SLC13A3: variants seen among roughly 807,000 people sequenced by gnomAD.
SLC13A3 encodes Na(+)/dicarboxylate cotransporter 3.
In SLC13A3, 40 loss-of-function variants were observed where a neutral mutation model predicts 59.0. That is an observed-to-expected ratio of 0.68 (90% CI 0.53 to 0.88). SLC13A3 has a LOEUF of 0.88. Ranked by LOEUF, SLC13A3 falls within the 40% of genes least tolerant of loss-of-function variation. The pLI, the probability that SLC13A3 is intolerant of heterozygous loss-of-function variation, is 0.00. For synonymous variants in SLC13A3, 317 were observed against 330.3 expected, an observed-to-expected ratio of 0.96 and a Z score of 0.44; for missense variants, 699 against 783.2, an observed-to-expected ratio of 0.89 and a Z score of 1.28.
At chr20:46,571,473 G>A (rs1476682786) in intron 10 of SLC13A3, among the ~76,000 whole-genome samples, 1 of 152,164 alleles carries the variant, frequency 6.6e-6, no homozygotes, top group East Asian at 1.9e-4. Context: ...AGCACCCAGG[G>A]TATATCACCA....
intron 1 of SLC13A3, among the ~76,000 whole-genome samples, chr20:46,657,630 T>C (rs1031829115): frequency 6.6e-6 from 1 of 152,138 alleles, no homozygotes; most frequent in Non-Finnish European, 1.5e-5. Flanking sequence ...AGGCCGTTTC[T>C]GCATTGCTAT....
At chr20:46,638,581 C>A (rs550457532) in intron 1 of SLC13A3, among the ~76,000 whole-genome samples, 15 of 152,338 alleles carry the variant, frequency 9.8e-5, no homozygotes, top group South Asian at 4.1e-4. Flanking sequence ...GTGCCTTTCT[C>A]GTGCCTGGAA....
chr20:46,589,083 C>T lies in SLC13A3; in HGVS notation c.1016+77G>A, dbSNP rs2062225350. On this transcript the variant is annotated intron_variant, in intron 7 of 12. Transcript: ENST00000279027. ...CCCCTGGAGCTCAGCCCCCATGGGC[C>T]CAAGGCCAGGCCAGGAGGAAGCTCT... 3.0e-6 allele frequency: 4 copies of T among 1,341,044 alleles called. No homozygotes were observed. The Admixed American group carries it at 5.7e-5, about 19-fold the overall frequency. The allele number at this position is 1,341,044 out of a possible 1,614,324, so 83.1% of individuals were successfully genotyped here. A position where few individuals can be genotyped will look rare whatever the true frequency, so the allele number is the denominator to read the frequency against.
chr20:46,638,383 G>A (rs2062814584), intron 1 of SLC13A3, among the ~76,000 whole-genome samples: 1 of 152,234 alleles, frequency 6.6e-6, no homozygotes, highest in Non-Finnish European at 1.5e-5. Context: ...CTTGTCAAGA[G>A]AGAAAGGTGC....
chr20:46,657,244 A>G (rs2063000387), intron 1 of SLC13A3, among the ~76,000 whole-genome samples: 1 of 152,110 alleles, frequency 6.6e-6, no homozygotes, highest in Non-Finnish European at 1.5e-5. Flanking sequence ...GTGTGATGGC[A>G]TGCTTGTAAT....
rs564447589 is a variant in SLC13A3 at position 46,566,266 on chromosome 20, G to A, written c.1457C>T (p.Ala486Val). 25 of 1,613,502 alleles carry A rather than the reference G, an allele frequency of 1.5e-5. No homozygotes were observed. The highest frequency in any genetic ancestry group is 2.2e-5 in the South Asian group (2 of 91,068). The change falls in exon 11 of 13, where the codon GCG becomes GTG. Residue 486 changes from alanine to valine, a missense_variant. By Grantham distance (64) the Ala-to-Val change is moderately conservative (BLOSUM62 0). Coordinates refer to ENST00000279027, the MANE Select transcript of SLC13A3 (RefSeq NM_022829.6). ...AFFTEFASNT[A>V]TIIIFLPVLA... ...GACCGGCAGGAAGATGATGATGGTC[G>A]CCGTGTTGCTGGCAAACTCAGTGAA...
intron 10 of SLC13A3, among the ~76,000 whole-genome samples, chr20:46,567,472 A>G (rs1319101166): frequency 1.3e-5 from 2 of 152,028 alleles, no homozygotes; most frequent in Non-Finnish European, 2.9e-5. Flanking sequence ...AGTGCCTGAG[A>G]CACCCATCTA....
intron 12 of SLC13A3, among the ~76,000 whole-genome samples, chr20:46,562,275 C>T (rs984315000): frequency 1.3e-5 from 2 of 152,166 alleles, no homozygotes; most frequent in African/African-American, 4.8e-5. Flanking sequence ...GTTCCCTGAC[C>T]TCGTGTCTCC....
intron 1 of SLC13A3, among the ~76,000 whole-genome samples, chr20:46,638,399 G>A (rs1473472289): frequency 6.6e-6 from 1 of 152,230 alleles, no homozygotes; most frequent in Non-Finnish European, 1.5e-5. Flanking sequence ...GGTGCAGGAG[G>A]CATGGTAAAA....
chr20:46,619,705 G>A (rs962072820), intron 1 of SLC13A3, among the ~76,000 whole-genome samples: 3 of 152,148 alleles, frequency 2.0e-5, no homozygotes, highest in African/African-American at 7.2e-5. Flanking sequence ...CTTTGCACAT[G>A]CTTTTCCTTT....
At chr20:46,637,160 T>C (rs1429581677) in intron 1 of SLC13A3, among the ~76,000 whole-genome samples, 2 of 152,152 alleles carry the variant, frequency 1.3e-5, no homozygotes. Flanking sequence ...CAGCTGGTCC[T>C]GCCCCAGGCA....
At chr20:46,684,014 CA>C (rs1388103727) in intron 1 of SLC13A3, among the ~76,000 whole-genome samples, 1 of 152,164 alleles carries the variant, frequency 6.6e-6, no homozygotes, top group African/African-American at 2.4e-5. Context: ...CCATTAAGAA[CA>C]AAACCCAACC....
intron 1 of SLC13A3, among the ~76,000 whole-genome samples, chr20:46,645,750 T>C (rs2062888578): frequency 6.6e-6 from 1 of 152,214 alleles, no homozygotes; most frequent in African/African-American, 2.4e-5. Flanking sequence ...AGGCAGTATG[T>C]ACCCAGTATT....
At chr20:46,603,626 G>A (rs1022633829) in intron 3 of SLC13A3, among the ~76,000 whole-genome samples, 4 of 151,268 alleles carry the variant, frequency 2.6e-5, no homozygotes, top group Non-Finnish European at 5.9e-5. Flanking sequence ...GGGCTCAAGC[G>A]ATCCTCTCAC....
At position 46,592,520 on chromosome 20, in the gene SLC13A3, C is replaced by T. The variant is rs139819116; in HGVS notation, c.804G>A (p.Pro268=). Reference sequence around the variant, plus strand: ...AGCCGAAATTCACCACGTCACACTGCGGAAAGAAACTGGAGAACAGCGGGA... The same window carrying T: ...AGCCGAAATTCACCACGTCACACTGTGGAAAGAAACTGGAGAACAGCGGGA... ...ILLGQLKSFF[P]QCDVVNFGSW... Residue 268 remains proline, a synonymous_variant, in exon 6 of 13, where the codon CCG becomes CCA. Transcript: ENST00000279027. The T allele has an allele frequency of 3.7e-5, 59 of 1,613,230 alleles. No individual in the cohort carries two copies. The African/African-American group carries it at 3.9e-4, about 11-fold the overall frequency.
At chr20:46,588,503 A>C (rs563238610) in intron 7 of SLC13A3, among the ~76,000 whole-genome samples, 1 of 152,292 alleles carries the variant, frequency 6.6e-6, no homozygotes, top group Non-Finnish European at 1.5e-5. Context: ...CGAAAAGCAG[A>C]GAGGAAGAGA....
At chr20:46,599,893 G>A in intron 4 of SLC13A3, 78 bp downstream of exon 4, 1 of 1,156,938 alleles carries the variant, frequency 8.6e-7, no homozygotes, top group South Asian at 1.7e-5. Flanking sequence ...GAGGAAAATG[G>A]TTTGCAGCAT....
chr20:46,613,810 A>T, intron 1 of SLC13A3, 85 bp from the exon 2 acceptor site: 8 of 926,834 alleles, frequency 8.6e-6, no homozygotes, highest in African/African-American at 1.8e-5. Context: ...CAGAGGGGGA[A>T]GGAGGCCTGG....
At chr20:46,576,807 C>T (rs1436248203) in intron 9 of SLC13A3, among the ~76,000 whole-genome samples, 2 of 152,190 alleles carry the variant, frequency 1.3e-5, no homozygotes, top group South Asian at 2.1e-4. Context: ...AATTTTGCTT[C>T]TCCTTTTGAG....
Sources: gnomAD v4.1 joint callset for allele counts (sites outside exome capture counted in the v4.1 genomes callset) on GRCh38, gnomAD v4.1.1 for gene constraint, MANE v1.5 for transcripts, NCBI Gene and HGNC (gene_info 2026-07-23, HGNC 2026-07-21) for gene names.